The following IL1RAPL1 variants were observed in gnomAD, a reference collection of about 807,000 sequenced individuals.
IL1RAPL1 encodes the protein interleukin 1 receptor accessory protein like 1, also known as interleukin-1 receptor accessory protein-like 1.
In IL1RAPL1, 3 loss-of-function variants were observed where a neutral mutation model predicts 48.4. The observed-to-expected ratio is 0.06, with a 90% CI of 0.03 to 0.16. The LOEUF (loss-of-function observed/expected upper bound fraction) is 0.16, where lower values mean the gene tolerates loss of function less well. Ranked by LOEUF, IL1RAPL1 falls within the 10% of genes least tolerant of loss-of-function variation. IL1RAPL1 has a pLI of 1.00. For synonymous variants in IL1RAPL1, 185 were observed against 187.7 expected (o/e 0.99, Z 0.12); for missense variants, 349 against 530.6 (o/e 0.66, Z 3.36).
intron 5 of IL1RAPL1, among the ~76,000 whole-genome samples, chrX:29,406,790 A>G: frequency 9.1e-6 from 1 of 110,151 alleles, no homozygotes. Context: ...TCCTATAGAG[A>G]TGATTATGTT....
chrX:29,689,624 C>T (rs983438423), intron 6 of IL1RAPL1, among the ~76,000 whole-genome samples: 8 of 111,327 alleles, frequency 7.2e-5, no homozygotes, highest in African/African-American at 2.6e-4. Context: ...TTTAAGCAGA[C>T]ATTGATGAAG....
At chrX:28,652,145 T>C (rs1309827601) in intron 1 of IL1RAPL1, among the ~76,000 whole-genome samples, 1 of 111,414 alleles carries the variant, frequency 9.0e-6, no homozygotes, top group Non-Finnish European at 1.9e-5. Context: ...GCCCTGAGTC[T>C]TAAATCTGGG....
At chrX:29,417,645 T>C (rs749270573) in intron 5 of IL1RAPL1, among the ~76,000 whole-genome samples, 1 of 111,602 alleles carries the variant, frequency 9.0e-6, no homozygotes, top group Non-Finnish European at 1.9e-5. Context: ...TCGTGGACAA[T>C]GTCTCAAGTG....
intron 3 of IL1RAPL1, among the ~76,000 whole-genome samples, chrX:29,381,833 A>AAAAAAT (rs1365599735): frequency 1.6e-3 from 40 of 25,352 alleles, no homozygotes; most frequent in Non-Finnish European, 2.2e-3. Context: ...AAAAAAAAAA[A>AAAAAAT]ATATATATAT....
intron 2 of IL1RAPL1, among the ~76,000 whole-genome samples, chrX:29,167,404 AAAG>A (rs1405227605): frequency 6.5e-5 from 7 of 107,973 alleles, no homozygotes; most frequent in Non-Finnish European, 1.3e-4. Flanking sequence ...GTATAATCAA[AAAG>A]TCTGGAGACT....
At chrX:28,724,413 C>T (rs192238049) in intron 1 of IL1RAPL1, among the ~76,000 whole-genome samples, 1,999 of 110,697 alleles carry the variant, frequency 0.018, 39 homozygotes, top group African/African-American at 0.063. Context: ...ACTAGGATTG[C>T]AACCCCTGCC....
At chrX:29,551,944 A>G (rs1921829083) in intron 5 of IL1RAPL1, among the ~76,000 whole-genome samples, 1 of 111,545 alleles carries the variant, frequency 9.0e-6, no homozygotes, top group Non-Finnish European at 1.9e-5. Context: ...CACATATTGC[A>G]GGAAGAAAGA....
At chrX:29,477,429 T>G (rs983239572) in intron 5 of IL1RAPL1, among the ~76,000 whole-genome samples, 3 of 112,085 alleles carry the variant, frequency 2.7e-5, no homozygotes, top group Non-Finnish European at 5.6e-5. Context: ...ATCAGCTATT[T>G]GTTGTGTTTA....
At chrX:29,714,972 A>G (rs907330022) in intron 6 of IL1RAPL1, among the ~76,000 whole-genome samples, 2 of 112,091 alleles carry the variant, frequency 1.8e-5, no homozygotes, top group Non-Finnish European at 3.8e-5. Flanking sequence ...CCACATGTCT[A>G]TCCAAACAGG....
At chrX:29,825,375 C>T (rs751715021) in intron 6 of IL1RAPL1, among the ~76,000 whole-genome samples, 3 of 111,197 alleles carry the variant, frequency 2.7e-5, no homozygotes, top group Non-Finnish European at 5.7e-5. Context: ...ATGAGACCTC[C>T]TACTCCAAAC....
chrX:29,099,476 C>T (rs1928287231), intron 2 of IL1RAPL1, among the ~76,000 whole-genome samples: 1 of 111,850 alleles, frequency 8.9e-6, no homozygotes, highest in Admixed American at 9.6e-5. Context: ...CTTACAATAA[C>T]ATTACTAAAT....
intron 1 of IL1RAPL1, among the ~76,000 whole-genome samples, chrX:28,639,531 A>G (rs192039075): frequency 2.7e-5 from 3 of 112,101 alleles, no homozygotes; most frequent in African/African-American, 9.7e-5. Flanking sequence ...ACGGAAAATA[A>G]AAGTGTCTGT....
At chrX:29,080,972 CTTTCTTTCTTTCTTTCTT>C (rs1569232734) in intron 2 of IL1RAPL1, among the ~76,000 whole-genome samples, 14 of 43,405 alleles carry the variant, frequency 3.2e-4, no homozygotes, top group South Asian at 1.4e-3. Context: ...TTCTTTCTTT[CTTTCTTTCTTTCTTTCTT>C]TCTTTCTCTC....
At chrX:29,560,814 TAA>T (rs1922170454) in intron 5 of IL1RAPL1, among the ~76,000 whole-genome samples, 1 of 112,457 alleles carries the variant, frequency 8.9e-6, no homozygotes. Flanking sequence ...GAGCTTTTTG[TAA>T]AGAGTTACTT....
intron 2 of IL1RAPL1, among the ~76,000 whole-genome samples, chrX:29,213,442 C>T (rs1287785726): frequency 3.5e-5 from 4 of 112,716 alleles, no homozygotes; most frequent in African/African-American, 9.7e-5. Flanking sequence ...GTATAGTAAC[C>T]GGAATGTTCC....
rs1284023290 is a variant in IL1RAPL1, at chrX:29,334,781, C to A, written c.362+51564C>A. Among the ~76,000 whole-genome samples the A allele has an allele frequency of 4.4e-5, 5 of 113,486 alleles. No individual in the cohort carries two copies. In the South Asian group the frequency reaches 1.5e-3, roughly 33 times the overall value. ...ATGGCGGCCGGGCAGAGACGCTCCT[C>A]ACTTTCCAGACTGTGCAGCCAGGCA... On this transcript the variant is annotated intron_variant, in intron 3 of 10. Coordinates refer to ENST00000378993, the MANE Select transcript of IL1RAPL1 (RefSeq NM_014271.4).
At chrX:28,678,776 G>A (rs941481106) in intron 1 of IL1RAPL1, among the ~76,000 whole-genome samples, 1 of 111,816 alleles carries the variant, frequency 8.9e-6, no homozygotes, top group Admixed American at 9.5e-5. Flanking sequence ...CTGTCTAATC[G>A]TAGAACATTG....
At chrX:28,638,538 G>C (rs1370153082) in intron 1 of IL1RAPL1, among the ~76,000 whole-genome samples, 1 of 109,888 alleles carries the variant, frequency 9.1e-6, no homozygotes, top group East Asian at 2.8e-4. Flanking sequence ...TACTAGTGGA[G>C]TTAATCCAAA....
intron 6 of IL1RAPL1, among the ~76,000 whole-genome samples, chrX:29,814,271 G>T (rs964341014): frequency 7.2e-5 from 8 of 111,448 alleles, no homozygotes; most frequent in Non-Finnish European, 1.5e-4. Context: ...TTTTAATAAA[G>T]CCAATCTGAC....
Sources: gnomAD v4.1 joint callset for allele counts (sites outside exome capture counted in the v4.1 genomes callset) on GRCh38, gnomAD v4.1.1 for gene constraint, MANE v1.5 for transcripts, NCBI Gene and HGNC (gene_info 2026-07-23, HGNC 2026-07-21) for gene names.